The following RGL2 variants were observed in gnomAD, a reference collection of about 807,000 sequenced individuals.
RGL2 encodes ral guanine nucleotide dissociation stimulator-like 2.
Under a neutral mutation model 84.6 loss-of-function variants are expected in RGL2, and 40 were observed. The ratio of observed to expected loss-of-function variants is 0.47; its 90% CI spans 0.37 to 0.62. RGL2 has a LOEUF of 0.62. Among genes scored for constraint, RGL2 ranks in the 20% least tolerant of loss-of-function variants. The probability of loss-of-function intolerance (pLI) is 0.00; values close to 1 mark genes in which losing one functional copy is unlikely to be tolerated. For missense variants in RGL2, 865 were observed against 1,019.7 expected, an observed-to-expected ratio of 0.85 and a Z score of 2.07; for synonymous variants, 369 against 417.3, an observed-to-expected ratio of 0.88 and a Z score of 1.41.
upstream of RGL2, chr6:33,301,517 TAA>T (rs1489336363): frequency 1.0e-5 from 5 of 497,350 alleles, no homozygotes. Flanking sequence ...GAGGTTGCAG[TAA>T]GCCAAGATCA....
chr6:33,300,982 A>AT (rs1320615270), upstream of RGL2: 2 of 151,848 alleles, frequency 1.3e-5, no homozygotes, highest in Non-Finnish European at 2.9e-5. Context: ...AAAAAAAAAA[A>AT]AGTTTTTTGC....
Position 33,293,536 on chromosome 6 carries a change from G to A in RGL2, c.1605-12C>T. On this transcript the variant is annotated splice_polypyrimidine_tract_variant and intron_variant, in intron 14 of 17. Transcript: ENST00000497454. This position sits in a 1 kb window ranked among gnomAD's most constrained non-coding sequence, Gnocchi z 7.0. ...CAGAGCCCAAAACCCTGCAGTGGCA[G>A]GAGATTGGGAGGATCAGAGAAAAGT... 1 of 1,613,020 alleles carries A rather than the reference G, an allele frequency of 6.2e-7. No homozygotes were observed. Among genetic ancestry groups the A allele is most frequent in the Non-Finnish European group, 8.5e-7 (1 of 1,179,382 alleles).
chr6:33,292,052 C>T lies in RGL2; in HGVS notation c.*50G>A, dbSNP rs1255056732. 1 of 1,592,330 alleles carries T rather than the reference C, an allele frequency of 6.3e-7. No homozygotes were observed. The highest frequency in any genetic ancestry group is 8.6e-7 in the Non-Finnish European group (1 of 1,160,674). ...ATTGCCACCATTCAGGATGGCTACC[C>T]ACATCTGGTATGAACACCATGACTT... On this transcript the variant is annotated 3_prime_UTR_variant, in exon 18 of 18. Transcript: ENST00000497454.
At chr6:33,292,389 C>T (rs1255766548) in intron 17 of RGL2, 41 bp downstream of exon 17, 1 of 1,607,890 alleles carries the variant, frequency 6.2e-7, no homozygotes, top group Non-Finnish European at 8.5e-7. Flanking sequence ...GGAAGTACTC[C>T]ACTCTCCTCC....
At position 33,291,805 on chromosome 6, in the gene RGL2, G is replaced by C. The variant is rs1801823; in HGVS notation, c.*297C>G. On this transcript the variant is annotated 3_prime_UTR_variant, in exon 18 of 18. Coordinates refer to ENST00000497454, the MANE Select transcript of RGL2 (RefSeq NM_004761.5). ...GCCTTGAAGCCTTTGCTTGGCCCTTGCATGTTAGGATATGGCCAAGAATCA... is the reference window on the plus strand; with the variant it reads ...GCCTTGAAGCCTTTGCTTGGCCCTTCCATGTTAGGATATGGCCAAGAATCA... The C allele has an allele frequency of 3.6e-6, 2 of 560,436 alleles. No individual in the cohort carries two copies. 34.7% of individuals were successfully genotyped at this position (560,436 alleles called of 1,614,324 possible). A position where few individuals can be genotyped will look rare whatever the true frequency, so the allele number is the denominator to read the frequency against.
Position 33,295,700 on chromosome 6 carries a change from G to T in RGL2, c.828C>A (p.Asp276Glu). Residue 276 changes from aspartate (D) to glutamate (E), a missense_variant, in exon 7 of 18, where the codon GAC (aspartate) becomes GAA (glutamate). Physicochemically the swap from Asp to Glu is conservative, Grantham distance 45. This residue lies in a region of RGL2 where 455 missense variants were observed against 507.8 expected (regional missense o/e 0.90). Transcript: ENST00000497454. The surrounding 1 kb of genome is among the most constrained non-coding windows in gnomAD (Gnocchi z 7.2). ...GGCAGAGGTGAGAATGTCCTGGCCGGTCTCTGTGACCCCACAGGCCTCCCA... is the reference window on the plus strand; with the variant it reads ...GGCAGAGGTGAGAATGTCCTGGCCGTTCTCTGTGACCCCACAGGCCTCCCA... ...QCLGGLWGHR[D>E]RPGHSHLCPS... is the part of the protein sequence containing the mutation. 6.2e-7 allele frequency: 1 copy of T among 1,613,862 alleles called. No homozygotes were observed. Among genetic ancestry groups the T allele is most frequent in the African/African-American group, 1.3e-5 (1 of 75,040 alleles).
chr6:33,299,884 A>T (rs779814569), upstream of RGL2: 1 of 152,540 alleles, frequency 6.6e-6, no homozygotes, highest in Non-Finnish European at 1.5e-5. This position sits in a 1 kb window ranked among gnomAD's most constrained non-coding sequence, Gnocchi z 5.0. Context: ...ACAGCAGTGG[A>T]CAGACAGGCC....
upstream of RGL2, chr6:33,301,479 C>A (rs1401585567): frequency 4.4e-6 from 2 of 449,992 alleles, no homozygotes; most frequent in Non-Finnish European, 7.9e-6. Context: ...GAGGCTGAAG[C>A]CACAGAATTG....
chr6:33,295,606 C>T lies in RGL2; in HGVS notation c.922G>A (p.Ala308Thr). Residue 308 changes from alanine to threonine, a missense_variant, in exon 7 of 18, where the codon GCT becomes ACT. Physicochemically the swap from Ala to Thr is moderately conservative, Grantham distance 58. Coordinates refer to ENST00000497454, the MANE Select transcript of RGL2 (RefSeq NM_004761.5). The surrounding 1 kb of genome is among the most constrained non-coding windows in gnomAD (Gnocchi z 7.2). Reference sequence around the variant, plus strand: ...CCAGGTCCCTCTCCAGTGGAAGTAGCCCCCAGGACAGAACTAACCACTGCC... The same window carrying T: ...CCAGGTCCCTCTCCAGTGGAAGTAGTCCCCAGGACAGAACTAACCACTGCC... ...AGAVVSSVLG[A>T]TSTGEGPGEV... 6.2e-7 allele frequency: 1 copy of T among 1,613,968 alleles called. No individual in the cohort carries two copies. The highest frequency in any genetic ancestry group is 8.5e-7 in the Non-Finnish European group (1 of 1,180,034).
chr6:33,293,333 A>G lies in RGL2; in HGVS notation c.1717-27T>C, dbSNP rs761506797. On this transcript the variant is annotated intron_variant, in intron 15 of 17. Coordinates refer to ENST00000497454, the MANE Select transcript of RGL2 (RefSeq NM_004761.5). The surrounding 1 kb of genome is among the most constrained non-coding windows in gnomAD (Gnocchi z 7.0). ...TAGGAACAAACAACATGGGACTGGCATGAAGGCAGGGAGGTTTAAGGAAGA... is the reference window on the plus strand; with the variant it reads ...TAGGAACAAACAACATGGGACTGGCGTGAAGGCAGGGAGGTTTAAGGAAGA... 1.3e-6 allele frequency: 2 copies of G among 1,569,786 alleles called. No homozygotes were observed. The highest frequency in any genetic ancestry group is 4.5e-5 in the East Asian group (2 of 44,668).
Position 33,296,814 on chromosome 6 carries a change from C to G in RGL2, c.241-38G>C. On this transcript the variant is annotated intron_variant, in intron 3 of 17. Transcript: ENST00000497454. This position sits in a 1 kb window ranked among gnomAD's most constrained non-coding sequence, Gnocchi z 5.0. ...GAGAGATGATCGCTAACCCTTTCTC[C>G]CACTCTGCACCTAGATTTCTGAGGA... is the stretch of plus-strand genomic sequence containing the variant. The G allele has an allele frequency of 2.5e-6, 4 of 1,611,316 alleles. No individual in the cohort carries two copies. Among genetic ancestry groups the G allele is most frequent in the Non-Finnish European group, 3.4e-6 (4 of 1,177,612 alleles).
rs748238649 is a variant in RGL2 at position 33,297,070 on chromosome 6, T to C, written c.202A>G (p.Thr68Ala). ...WDEEEDGAVF[T>A]VTSRQYRPLD... ...GGTCGATATTGGCGGCTTGTGACGGTAAACACGGCACCATCCTCCTCCTCA... is the reference window on the plus strand; with the variant it reads ...GGTCGATATTGGCGGCTTGTGACGGCAAACACGGCACCATCCTCCTCCTCA... The change falls in exon 3 of 18, where the codon ACC (threonine) becomes GCC (alanine). Residue 68 changes from threonine to alanine, a missense_variant. Physicochemically the swap from Thr to Ala is moderately conservative, Grantham distance 58. Around this residue, in one of 5 missense-constraint regions of RGL2, gnomAD observed 455 missense variants for 507.8 expected, o/e 0.90. Transcript: ENST00000497454. The surrounding 1 kb of genome is among the most constrained non-coding windows in gnomAD (Gnocchi z 4.0). The C allele has an allele frequency of 6.4e-7, 1 of 1,574,746 alleles. No individual in the cohort carries two copies. The highest frequency in any genetic ancestry group is 8.6e-7 in the Non-Finnish European group (1 of 1,162,932).
Position 33,295,363 on chromosome 6 carries a change from G to A in RGL2, c.1080C>T (p.Ser360=), listed in dbSNP as rs1169663071. Residue 360 remains serine (S), a synonymous_variant, in exon 8 of 18, where the codon TCC becomes TCT. Coordinates refer to ENST00000497454, the MANE Select transcript of RGL2 (RefSeq NM_004761.5). The surrounding 1 kb of genome is among the most constrained non-coding windows in gnomAD (Gnocchi z 7.2). ...CTGCCCGAAGCCTGTGGATGGGGCT[G>A]GACTGCAGGGCTGACACCACGGCAT... ...SVYAVVSALQ[S]SPIHRLRAAW... The A allele has an allele frequency of 6.2e-7, 1 of 1,601,002 alleles. No individual in the cohort carries two copies. Among genetic ancestry groups the A allele is most frequent in the Non-Finnish European group, 8.5e-7 (1 of 1,174,604 alleles).
chr6:33,296,951 C>A lies in RGL2; in HGVS notation c.240+81G>T, dbSNP rs1768034531. On this transcript the variant is annotated intron_variant, in intron 3 of 17. Coordinates refer to ENST00000497454, the MANE Select transcript of RGL2 (RefSeq NM_004761.5). The surrounding 1 kb of genome is among the most constrained non-coding windows in gnomAD (Gnocchi z 5.0). The stretch of plus-strand genomic sequence containing the variant: ...CCAGGACTCCAGAACTCCAACCTAG[C>A]ACTCTGGCCAGAAAGTCAGCCAGAG... The A allele has an allele frequency of 6.6e-7, 1 of 1,521,704 alleles. No homozygotes were observed. Among genetic ancestry groups the A allele is most frequent in the Non-Finnish European group, 9.1e-7 (1 of 1,097,202 alleles). 94.3% of individuals were successfully genotyped at this position (1,521,704 alleles called of 1,614,324 possible).
chr6:33,295,775 C>T lies in RGL2; in HGVS notation c.769-16G>A, dbSNP rs771075555. On this transcript the variant is annotated splice_polypyrimidine_tract_variant and intron_variant, in intron 6 of 17. Coordinates refer to ENST00000497454, the MANE Select transcript of RGL2 (RefSeq NM_004761.5). The surrounding 1 kb of genome is among the most constrained non-coding windows in gnomAD (Gnocchi z 7.2). ...GAAAAAGTTCCTGCAGGGTAGAGGT[C>T]AGAGGTTAAAGTTCATAGTCAAGTG... is the stretch of plus-strand genomic sequence containing the variant. 9.3e-6 allele frequency: 15 copies of T among 1,609,308 alleles called. 1 individual carries two copies. The South Asian group carries it at 1.5e-4, about 17-fold the overall frequency.
chr6:33,293,424 G>A lies in RGL2; in HGVS notation c.1705C>T (p.Arg569Trp), dbSNP rs368647920. ...GGAGCAGAGCTCACCTGGGCCAGCC[G>A]AGTCAGCAGAGGAGCAGGAGTTGTA... ...APTTPAPLLT[R>W]LAQHMKWPSV... is the part of the protein sequence containing the mutation. The change falls in exon 15 of 18, where the codon CGG (arginine) becomes TGG (tryptophan). Residue 569 changes from arginine (R) to tryptophan (W), a missense_variant. Arg to Trp is a moderately radical substitution (Grantham distance 101). Around this residue, in one of 5 missense-constraint regions of RGL2, gnomAD observed 302 missense variants for 327.9 expected, o/e 0.92. Transcript: ENST00000497454. This position sits in a 1 kb window ranked among gnomAD's most constrained non-coding sequence, Gnocchi z 7.0. 28 of 1,613,722 alleles carry A rather than the reference G, an allele frequency of 1.7e-5. No homozygotes were observed. The African/African-American group carries it at 2.5e-4, about 15-fold the overall frequency.
rs1165586733 is a variant in RGL2 at position 33,298,245 on chromosome 6, AGGGCAGGTTCCTGC to A, written c.156+196_156+209del. 1 of 491,958 alleles carries A rather than the reference AGGGCAGGTTCCTGC, an allele frequency of 2.0e-6. No homozygotes were observed. Among genetic ancestry groups the A allele is most frequent in the African/African-American group, 2.0e-5 (1 of 48,884 alleles). 30.5% of individuals were successfully genotyped at this position (491,958 alleles called of 1,614,324 possible). ...CCAGCCAGAAGTTCCAGGCAGGAAC[AGGGCAGGTTCCTGC>A]GGGCAGGTCCTGAGTCACACTGACA... On this transcript the variant is annotated intron_variant, in intron 2 of 17. Transcript: ENST00000497454. The surrounding 1 kb of genome is among the most constrained non-coding windows in gnomAD (Gnocchi z 4.8).
chr6:33,292,577 T>C (rs766857745), intron 16 of RGL2, 33 bp from the exon 17 acceptor site: 1 of 1,539,036 alleles, frequency 6.5e-7, no homozygotes, highest in Non-Finnish European at 9.0e-7. Context: ...GAGCAATCAA[T>C]CAGCCATGAT....
chr6:33,293,992 T>C lies in RGL2; in HGVS notation c.1386+42A>G. Reference sequence around the variant, plus strand: ...TTTTCCCCCTCCCCTTCCTGGAACATGGATAGGGAAGTCCAGCATCCAGCC... The same window carrying C: ...TTTTCCCCCTCCCCTTCCTGGAACACGGATAGGGAAGTCCAGCATCCAGCC... On this transcript the variant is annotated intron_variant, in intron 12 of 17. Coordinates refer to ENST00000497454, the MANE Select transcript of RGL2 (RefSeq NM_004761.5). The surrounding 1 kb of genome is among the most constrained non-coding windows in gnomAD (Gnocchi z 7.0). 1 of 1,613,836 alleles carries C rather than the reference T, an allele frequency of 6.2e-7. No individual in the cohort carries two copies. Among genetic ancestry groups the C allele is most frequent in the Non-Finnish European group, 8.5e-7 (1 of 1,179,966 alleles).
Sources: allele counts gnomAD v4.1 joint callset, GRCh38; gene constraint gnomAD v4.1.1; regional missense constraint gnomAD v4.1.1; non-coding constraint Gnocchi (gnomAD v3.1); transcripts MANE v1.5; gene names NCBI Gene and HGNC (gene_info 2026-07-23, HGNC 2026-07-21).